UBAC2: variants seen among roughly 807,000 people sequenced by gnomAD.
The protein encoded by UBAC2 is ubiquitin-associated domain-containing protein 2.
In UBAC2, 26 loss-of-function variants were observed where a neutral mutation model predicts 44.0. The observed-to-expected ratio is 0.59, with a 90% CI of 0.43 to 0.82. The LOEUF is 0.82. UBAC2 is among the 40% of genes least tolerant of loss of function. The pLI is 0.00. For synonymous variants in UBAC2, 155 were observed against 154.3 expected (o/e 1.00, Z -0.04); for missense variants, 329 against 419.4 (o/e 0.78, Z 1.88).
chr13:99,211,699 T>C (rs2142656171), intron 1 of UBAC2, among the ~76,000 whole-genome samples: 1 of 152,358 alleles, frequency 6.6e-6, no homozygotes, highest in Admixed American at 6.5e-5. Flanking sequence ...TGAACCCAGA[T>C]GGTCTGGCTG....
At chr13:99,216,106 G>GTC (rs1156649124) in intron 1 of UBAC2, among the ~76,000 whole-genome samples, 1 of 144,908 alleles carries the variant, frequency 6.9e-6, no homozygotes, top group Non-Finnish European at 1.5e-5. Context: ...GTGTGTGTGT[G>GTC]TGTGTGTATT....
In UBAC2 at chr13:99,367,769, G is replaced by T. The variant is rs750548697; in HGVS notation, c.808-18G>T. 14 of 1,613,916 alleles carry T rather than the reference G, an allele frequency of 8.7e-6. No individual in the cohort carries two copies. Among genetic ancestry groups the T allele is most frequent in the Non-Finnish European group, 6.8e-6 (8 of 1,179,848 alleles). On this transcript the variant is annotated intron_variant, in intron 7 of 8. Coordinates refer to ENST00000403766, the MANE Select transcript of UBAC2 (RefSeq NM_001144072.2). ...TGCTCCTTCTGTGTCTGATAACTGT[G>T]TGTTGATCTCTTTTTAGGGAGGAAT...
intron 4 of UBAC2, among the ~76,000 whole-genome samples, chr13:99,309,203 C>T (rs1046259189): frequency 2.0e-5 from 3 of 151,670 alleles, no homozygotes; most frequent in African/African-American, 4.9e-5. Context: ...CTCCACCTCC[C>T]GGCTTCAAGC....
intron 4 of UBAC2, among the ~76,000 whole-genome samples, chr13:99,245,651 G>A (rs1223982011): frequency 6.6e-6 from 1 of 152,216 alleles, no homozygotes; most frequent in African/African-American, 2.4e-5. Context: ...GACCAGCCTG[G>A]TCAATATGGT....
chr13:99,379,665 G>T (rs370049415), intron 8 of UBAC2, among the ~76,000 whole-genome samples: 1 of 152,044 alleles, frequency 6.6e-6, no homozygotes, highest in East Asian at 1.9e-4. Flanking sequence ...ATTAATTTCT[G>T]TTTATCACTT....
intron 4 of UBAC2, among the ~76,000 whole-genome samples, chr13:99,303,840 C>T (rs981793201): frequency 6.6e-6 from 1 of 152,176 alleles, no homozygotes; most frequent in Non-Finnish European, 1.5e-5. Flanking sequence ...CTCGGTCATT[C>T]GCTCAGGGAT....
At chr13:99,300,038 G>A (rs2044235545) in intron 4 of UBAC2, among the ~76,000 whole-genome samples, 1 of 152,184 alleles carries the variant, frequency 6.6e-6, no homozygotes. Context: ...AGTGGTCTAG[G>A]CTCTAAGGGC....
At chr13:99,366,838 C>A (rs1171312356) in intron 7 of UBAC2, among the ~76,000 whole-genome samples, 1 of 152,172 alleles carries the variant, frequency 6.6e-6, no homozygotes, top group Non-Finnish European at 1.5e-5. Flanking sequence ...GCTTCCCACG[C>A]CCACTTGTTC....
chr13:99,381,036 C>T (rs777926850), intron 8 of UBAC2, among the ~76,000 whole-genome samples: 4 of 152,246 alleles, frequency 2.6e-5, no homozygotes, highest in African/African-American at 4.8e-5. Context: ...ACCAGCACCG[C>T]GGCACATGTC....
intron 4 of UBAC2, among the ~76,000 whole-genome samples, chr13:99,291,053 G>C (rs2044083469): frequency 6.6e-6 from 1 of 152,194 alleles, no homozygotes; most frequent in Non-Finnish European, 1.5e-5. Context: ...AATGCTCCAA[G>C]TCAGGCCACA....
chr13:99,294,673 T>C (rs1179708675), intron 4 of UBAC2: 1 of 154,986 alleles, frequency 6.5e-6, no homozygotes, highest in Non-Finnish European at 1.4e-5. Context: ...TTAAGAAATA[T>C]GTTATTTAAA....
At chr13:99,315,620 C>G (rs765348930) in intron 5 of UBAC2, among the ~76,000 whole-genome samples, 15 of 152,002 alleles carry the variant, frequency 9.9e-5, no homozygotes, top group Non-Finnish European at 1.5e-4. Context: ...TTTTCTGAGC[C>G]CCCATTTCCC....
At chr13:99,238,834 C>T (rs1201786265) in intron 2 of UBAC2, among the ~76,000 whole-genome samples, 2 of 152,088 alleles carry the variant, frequency 1.3e-5, no homozygotes, top group Non-Finnish European at 2.9e-5. Context: ...GAATTAAAAA[C>T]AATGTTTAAT....
intron 4 of UBAC2, among the ~76,000 whole-genome samples, chr13:99,274,441 C>T (rs2043856956): frequency 6.6e-6 from 1 of 151,896 alleles, no homozygotes; most frequent in African/African-American, 2.4e-5. Context: ...TCTCCTGCCT[C>T]AGCCTCCCCA....
chr13:99,299,683 T>G (rs1159911857), intron 4 of UBAC2, among the ~76,000 whole-genome samples: 1 of 152,172 alleles, frequency 6.6e-6, no homozygotes, highest in Admixed American at 6.5e-5. Context: ...CTGACATGCT[T>G]TTCAAAGCTT....
chr13:99,218,940 G>A (rs2043026026), intron 1 of UBAC2, among the ~76,000 whole-genome samples: 1 of 152,146 alleles, frequency 6.6e-6, no homozygotes, highest in African/African-American at 2.4e-5. Context: ...CTCTTGCAAG[G>A]CATGGGTTTA....
At chr13:99,251,049 G>A (rs1949563231) in intron 4 of UBAC2, among the ~76,000 whole-genome samples, 1 of 152,108 alleles carries the variant, frequency 6.6e-6, no homozygotes, top group African/African-American at 2.4e-5. Flanking sequence ...CACCAAGCCT[G>A]GCCATCTTTG....
intron 4 of UBAC2, among the ~76,000 whole-genome samples, chr13:99,285,265 T>A (rs1167195149): frequency 6.6e-6 from 1 of 152,162 alleles, no homozygotes; most frequent in Non-Finnish European, 1.5e-5. Flanking sequence ...CTGCTGCTGC[T>A]GCTGCTCCTC....
chr13:99,265,696 G>C (rs1308011220), intron 4 of UBAC2, among the ~76,000 whole-genome samples: 2 of 152,184 alleles, frequency 1.3e-5, no homozygotes, highest in Non-Finnish European at 2.9e-5. Context: ...CAGGCCCTCA[G>C]TTAACAGGCA....
Sources: gnomAD v4.1 joint callset for allele counts (sites outside exome capture counted in the v4.1 genomes callset) on GRCh38, gnomAD v4.1.1 for gene constraint, MANE v1.5 for transcripts, NCBI Gene and HGNC (gene_info 2026-07-23, HGNC 2026-07-21) for gene names.